SELENOF: variants seen among roughly 807,000 people sequenced by gnomAD.
SELENOF encodes 15 kDa selenoprotein.
A neutral mutation model predicts 20.5 loss-of-function variants in SELENOF; 16 were observed. The ratio of observed to expected loss-of-function variants is 0.78; its 90% CI spans 0.53 to 1.19. The LOEUF (loss-of-function observed/expected upper bound fraction) is 1.19. Ranked by LOEUF, SELENOF falls within the 50% of genes most tolerant of loss-of-function variation. The pLI is 0.00. For synonymous variants in SELENOF, 78 were observed against 74.5 expected (o/e 1.05, Z -0.24); for missense variants, 215 against 194.2 (o/e 1.11, Z -0.64).
At chr1:86,898,016 G>A (rs550228328) in intron 2 of SELENOF, among the ~76,000 whole-genome samples, 1 of 152,152 alleles carries the variant, frequency 6.6e-6, no homozygotes, top group East Asian at 1.9e-4. Flanking sequence ...ATATAAAGCT[G>A]AAGTCACTTA....
chr1:86,909,645 A>AACAC (rs371244576), intron 1 of SELENOF, among the ~76,000 whole-genome samples: 1 of 151,610 alleles, frequency 6.6e-6, no homozygotes, highest in Non-Finnish European at 1.5e-5. Flanking sequence ...GAGGGATACT[A>AACAC]ACACACACAC....
In SELENOF at chr1:86,914,115, C is replaced by T. The variant is rs1321066412; in HGVS notation, c.-4G>A. On this transcript the variant is annotated 5_prime_UTR_variant, in exon 1 of 5. Transcript: ENST00000331835. ...GCCCAGCCGCCATCGCTACCATTTTCCGCAGGTTTCTGGCTGCCTAGAAGG... is the reference window on the plus strand; with the variant it reads ...GCCCAGCCGCCATCGCTACCATTTTTCGCAGGTTTCTGGCTGCCTAGAAGG... The T allele has an allele frequency of 1.2e-6, 2 of 1,611,654 alleles. No homozygotes were observed. The highest frequency in any genetic ancestry group is 2.2e-5 in the South Asian group (2 of 91,054).
At chr1:86,896,637 G>A (rs765100656) in intron 2 of SELENOF, among the ~76,000 whole-genome samples, 33 of 152,140 alleles carry the variant, frequency 2.2e-4, no homozygotes, top group Non-Finnish European at 3.5e-4. Flanking sequence ...AAAAAGTTGT[G>A]CTAAATAATT....
At chr1:86,891,212 G>A (rs1557464227) in intron 2 of SELENOF, among the ~76,000 whole-genome samples, 1 of 151,916 alleles carries the variant, frequency 6.6e-6, no homozygotes, top group Non-Finnish European at 1.5e-5. Context: ...ACCACGCCTG[G>A]CTAATTTTGT....
intron 2 of SELENOF, among the ~76,000 whole-genome samples, chr1:86,899,675 G>C (rs1470329124): frequency 6.6e-6 from 1 of 151,594 alleles, no homozygotes; most frequent in Non-Finnish European, 1.5e-5. Flanking sequence ...TGGGGCGGCT[G>C]GCCTGGCGGG....
chr1:86,870,502 G>A (rs1328633266), intron 3 of SELENOF, among the ~76,000 whole-genome samples: 1 of 152,202 alleles, frequency 6.6e-6, no homozygotes, highest in Admixed American at 6.5e-5. Flanking sequence ...CGCAGTAACT[G>A]TGTCTACATG....
chr1:86,871,360 CAA>C (rs1178600296), intron 3 of SELENOF, among the ~76,000 whole-genome samples: 2 of 152,208 alleles, frequency 1.3e-5, no homozygotes, highest in Non-Finnish European at 2.9e-5. Flanking sequence ...AAACAAGAAA[CAA>C]AATAAGAACT....
intron 2 of SELENOF, among the ~76,000 whole-genome samples, chr1:86,897,224 T>C (rs929597118): frequency 1.1e-4 from 17 of 152,008 alleles, no homozygotes; most frequent in African/African-American, 4.1e-4. Context: ...AAGGTGGAGG[T>C]TGCGGTGAGC....
At chr1:86,890,651 C>T (rs1233633586) in intron 2 of SELENOF, among the ~76,000 whole-genome samples, 5 of 150,744 alleles carry the variant, frequency 3.3e-5, no homozygotes, top group Non-Finnish European at 7.4e-5. Flanking sequence ...TGTCATCACA[C>T]CCAGCTTTTT....
At chr1:86,889,972 A>G (rs1036792578) in intron 2 of SELENOF, among the ~76,000 whole-genome samples, 8 of 152,208 alleles carry the variant, frequency 5.3e-5, no homozygotes, top group African/African-American at 1.9e-4. Flanking sequence ...CTTATCAACT[A>G]TTGTTCACAC....
At chr1:86,893,667 A>G (rs1393899550) in intron 2 of SELENOF, among the ~76,000 whole-genome samples, 2 of 152,138 alleles carry the variant, frequency 1.3e-5, no homozygotes, top group Non-Finnish European at 2.9e-5. Context: ...AAACTCTCTC[A>G]ACAATTCTTA....
chr1:86,905,972 AGT>A (rs1292637615), intron 1 of SELENOF, among the ~76,000 whole-genome samples: 6 of 152,232 alleles, frequency 3.9e-5, no homozygotes, highest in South Asian at 4.1e-4. Context: ...CACCAGCTGC[AGT>A]GTGTCAATCC....
At chr1:86,906,661 C>A (rs552746845) in intron 1 of SELENOF, among the ~76,000 whole-genome samples, 2 of 152,176 alleles carry the variant, frequency 1.3e-5, no homozygotes, top group Non-Finnish European at 2.9e-5. Context: ...ATGTAGAGAG[C>A]AACTGAAAAC....
intron 2 of SELENOF, among the ~76,000 whole-genome samples, chr1:86,881,878 T>C (rs760583987): frequency 2.0e-5 from 3 of 152,148 alleles, no homozygotes; most frequent in Non-Finnish European, 4.4e-5. Context: ...AAACCAATGA[T>C]GGATTTCAGA....
chr1:86,903,560 A>C, intron 1 of SELENOF, 112 bp from the exon 2 acceptor site: 2 of 677,686 alleles, frequency 3.0e-6, no homozygotes, highest in Non-Finnish European at 4.6e-6. Context: ...AAGTTACTGA[A>C]ATGTTTCATT....
At chr1:86,894,329 CTTTG>C (rs1386183918) in intron 2 of SELENOF, among the ~76,000 whole-genome samples, 18 of 151,958 alleles carry the variant, frequency 1.2e-4, no homozygotes, top group South Asian at 4.1e-4. Flanking sequence ...TGATAGCTTG[CTTTG>C]TTTTTTTATG....
At chr1:86,898,334 G>A (rs1029779507) in intron 2 of SELENOF, among the ~76,000 whole-genome samples, 1 of 152,142 alleles carries the variant, frequency 6.6e-6, no homozygotes, top group African/African-American at 2.4e-5. Flanking sequence ...AGAATGACAA[G>A]GGGTTTCAAA....
At chr1:86,865,106 T>C (rs1175947062) in intron 4 of SELENOF, among the ~76,000 whole-genome samples, 3 of 152,200 alleles carry the variant, frequency 2.0e-5, no homozygotes, top group Admixed American at 6.5e-5. Context: ...AGCAGTCAAA[T>C]CCAGCAATGT....
chr1:86,884,633 A>T (rs1659168358), intron 2 of SELENOF, among the ~76,000 whole-genome samples: 1 of 152,198 alleles, frequency 6.6e-6, no homozygotes, highest in Non-Finnish European at 1.5e-5. Context: ...GATTTAACCA[A>T]GTTCCAACCT....
Sources: allele counts gnomAD v4.1 joint callset (sites outside exome capture counted in the v4.1 genomes callset), GRCh38; gene constraint gnomAD v4.1.1; transcripts MANE v1.5; gene names NCBI Gene and HGNC (gene_info 2026-07-23, HGNC 2026-07-21).